Variants in RNF150 observed in about 807,000 individuals in gnomAD.
The protein encoded by RNF150 is ring finger protein 150.
RNF150 carries 24 observed loss-of-function variants against 39.3 expected under a neutral mutation model. That is an observed-to-expected ratio of 0.61 (90% CI 0.44 to 0.86). RNF150 has a LOEUF of 0.86. Among genes scored for constraint, RNF150 ranks in the 40% least tolerant of loss-of-function variants. The pLI is 0.00. For missense variants in RNF150, 502 were observed against 587.8 expected (o/e 0.85, Z 1.51); for synonymous variants, 255 against 227.3 (o/e 1.12, Z -1.10).
intron 6 of RNF150, among the ~76,000 whole-genome samples, chr4:140,899,959 T>G (rs1578944501): frequency 8.6e-6 from 1 of 116,208 alleles, no homozygotes; most frequent in Admixed American, 9.1e-5. Flanking sequence ...TCTCTCTCTC[T>G]CTCTCTCTCT....
At chr4:140,877,130 C>T (rs2111195200) in intron 6 of RNF150, among the ~76,000 whole-genome samples, 1 of 152,312 alleles carries the variant, frequency 6.6e-6, no homozygotes, top group Middle Eastern at 3.4e-3. Flanking sequence ...CCCTGTGACA[C>T]TTCATCTAGC....
At position 141,087,071 on chromosome 4, in the gene RNF150, T is replaced by C. The variant is rs72933023; in HGVS notation, c.484+45254A>G. On this transcript the variant is annotated intron_variant, in intron 1 of 6. Transcript: ENST00000515673. ...ATGTGTCATGGGGGTTTGTTGTACATATTATTACATCAACCAGGTATTAAG... is the reference window on the plus strand; with the variant it reads ...ATGTGTCATGGGGGTTTGTTGTACACATTATTACATCAACCAGGTATTAAG... Among the ~76,000 whole-genome samples, 1,392 of 152,294 alleles carry C rather than the reference T, an allele frequency of 9.1e-3. 31 individuals are homozygous for C. Among genetic ancestry groups the C allele is most frequent in the African/African-American group, 0.032 (1,330 of 41,564 alleles).
intron 1 of RNF150, among the ~76,000 whole-genome samples, chr4:141,131,058 T>G (rs540589062): frequency 6.6e-5 from 10 of 152,288 alleles, no homozygotes; most frequent in South Asian, 2.1e-4. Flanking sequence ...GGTTGACAAA[T>G]TTCCCTGACT....
chr4:141,073,763 T>C (rs1737793398), intron 1 of RNF150, among the ~76,000 whole-genome samples: 3 of 152,140 alleles, frequency 2.0e-5, no homozygotes, highest in Admixed American at 2.0e-4. Flanking sequence ...GGCTTGGTCA[T>C]CTCTACAATC....
chr4:140,963,290 A>G (rs1297337659), intron 2 of RNF150, among the ~76,000 whole-genome samples: 1 of 152,030 alleles, frequency 6.6e-6, no homozygotes, highest in Non-Finnish European at 1.5e-5. Flanking sequence ...GACCTCATTA[A>G]CTTACAGAAA....
chr4:140,926,314 A>T (rs1029195411), intron 4 of RNF150, among the ~76,000 whole-genome samples: 22 of 152,236 alleles, frequency 1.4e-4, no homozygotes, highest in African/African-American at 5.3e-4. Context: ...AAGTTTCAGA[A>T]AATGTAGAAA....
chr4:141,024,683 T>C (rs1735625654), intron 1 of RNF150, among the ~76,000 whole-genome samples: 2 of 152,166 alleles, frequency 1.3e-5, no homozygotes, highest in Admixed American at 1.3e-4. Context: ...TGAGCAGAGC[T>C]ACAGCAAAGA....
At chr4:141,123,605 G>A (rs1048228723) in intron 1 of RNF150, among the ~76,000 whole-genome samples, 3 of 152,128 alleles carry the variant, frequency 2.0e-5, no homozygotes, top group Admixed American at 6.5e-5. Context: ...ACAACGTACA[G>A]GTTTGTTACA....
chr4:141,173,063 TCTTA>T (rs955066575), intron 1 of RNF150, among the ~76,000 whole-genome samples: 10 of 151,994 alleles, frequency 6.6e-5, no homozygotes, highest in African/African-American at 2.4e-4. Context: ...AGGATATTAA[TCTTA>T]CTTTAAAGCA....
At chr4:140,964,950 AG>A (rs573861992) in intron 2 of RNF150, among the ~76,000 whole-genome samples, 1 of 151,952 alleles carries the variant, frequency 6.6e-6, no homozygotes, top group South Asian at 2.1e-4. Flanking sequence ...ACTGCATATG[AG>A]GGGGGGAGAG....
intron 1 of RNF150, among the ~76,000 whole-genome samples, chr4:140,982,321 G>A (rs1028921491): frequency 2.0e-5 from 3 of 152,066 alleles, no homozygotes; most frequent in Non-Finnish European, 2.9e-5. Flanking sequence ...CCAGGCATGC[G>A]CAAATGTATC....
chr4:140,949,453 G>A, intron 2 of RNF150, 81 bp from the exon 3 acceptor site: 3 of 1,178,436 alleles, frequency 2.5e-6, no homozygotes, highest in Non-Finnish European at 2.5e-6. Context: ...ATACACCAGG[G>A]CAGCTAGCTC....
chr4:140,979,796 T>C (rs1733794146), intron 1 of RNF150, among the ~76,000 whole-genome samples: 1 of 152,098 alleles, frequency 6.6e-6, no homozygotes, highest in Admixed American at 6.6e-5. Flanking sequence ...AGGTAAACTT[T>C]CCACCTGTTT....
At chr4:141,130,992 T>C (rs1251637367) in intron 1 of RNF150, among the ~76,000 whole-genome samples, 1 of 152,238 alleles carries the variant, frequency 6.6e-6, no homozygotes, top group East Asian at 1.9e-4. Context: ...ACTACATTTT[T>C]CTGGCCTGTG....
At chr4:140,907,432 G>A (rs1560958909) in intron 6 of RNF150, among the ~76,000 whole-genome samples, 5 of 151,978 alleles carry the variant, frequency 3.3e-5, no homozygotes. Context: ...CCTGGGAGCT[G>A]AAGATGATCC....
At chr4:141,181,400 C>T (rs755084230) in intron 1 of RNF150, among the ~76,000 whole-genome samples, 4 of 152,070 alleles carry the variant, frequency 2.6e-5, no homozygotes, top group African/African-American at 4.8e-5. Flanking sequence ...ATTGATTGAC[C>T]TGAACTACTT....
At chr4:141,187,490 C>G (rs1213969978) in intron 1 of RNF150, among the ~76,000 whole-genome samples, 1 of 152,128 alleles carries the variant, frequency 6.6e-6, no homozygotes, top group East Asian at 1.9e-4. Context: ...GAGTCTAAGT[C>G]TCTTTGTAGG....
At chr4:140,870,456 A>ATGTGTGTGTG (rs36234235) in intron 6 of RNF150, among the ~76,000 whole-genome samples, 21 of 147,810 alleles carry the variant, frequency 1.4e-4, no homozygotes, top group African/African-American at 4.7e-4. Context: ...TTGTGCGTGT[A>ATGTGTGTGTG]TGTGTGTGTG....
rs535694764 is a variant in RNF150 at position 141,034,340 on chromosome 4, T to A, written c.485-66467A>T. On this transcript the variant is annotated intron_variant, in intron 1 of 6. Transcript: ENST00000515673. Reference sequence around the variant, plus strand: ...TTCCTACCATTGAAGAGAATTAGGGTCTTGCTCTGGATTAGGCTTTGGCTT... The same window carrying A: ...TTCCTACCATTGAAGAGAATTAGGGACTTGCTCTGGATTAGGCTTTGGCTT... 3.0e-4 allele frequency among the ~76,000 whole-genome samples: 46 copies of A among 152,302 alleles called. No individual in the cohort carries two copies. The East Asian group carries it at 3.1e-3, about 10-fold the overall frequency.
Sources: gnomAD v4.1 joint callset for allele counts (sites outside exome capture counted in the v4.1 genomes callset) on GRCh38, gnomAD v4.1.1 for gene constraint, MANE v1.5 for transcripts, NCBI Gene and HGNC (gene_info 2026-07-23, HGNC 2026-07-21) for gene names.